The following RGS3 variants were observed in gnomAD, a reference collection of about 807,000 sequenced individuals.
RGS3 encodes regulator of G protein signaling 3.
In RGS3, 80 loss-of-function variants were observed where a neutral mutation model predicts 132.6. The ratio of observed to expected loss-of-function variants is 0.60; its 90% CI spans 0.50 to 0.73. The LOEUF is 0.73. RGS3 is among the 30% of genes least tolerant of loss of function. The pLI is 0.00. For synonymous variants in RGS3, 598 were observed against 620.6 expected, an observed-to-expected ratio of 0.96 and a Z score of 0.54; for missense variants, 1,382 against 1,530.8, an observed-to-expected ratio of 0.90 and a Z score of 1.62.
chr9:113,549,209 T>A (rs1034064011), intron 19 of RGS3, among the ~76,000 whole-genome samples: 1 of 152,296 alleles, frequency 6.6e-6, no homozygotes, highest in African/African-American at 2.4e-5. Flanking sequence ...TTCCTCTCAC[T>A]AGCCATGGGA....
At position 113,490,457 on chromosome 9, in the gene RGS3, A is replaced by G. The variant is rs558212722; in HGVS notation, c.689+4764A>G. 2.6e-4 allele frequency among the ~76,000 whole-genome samples: 40 copies of G among 152,008 alleles called. No individual in the cohort carries two copies. In the South Asian group the frequency reaches 5.0e-3, roughly 19 times the overall value. The stretch of plus-strand genomic sequence containing the variant: ...CTTAAAAATTAATAGTAATTCCTCA[A>G]TATGCCATTGAATATGGAACTCAGC... On this transcript the variant is annotated intron_variant, in intron 7 of 24. Coordinates refer to ENST00000350696, the Ensembl canonical transcript of RGS3.
At chr9:113,568,803 C>T (rs1290454763) in intron 19 of RGS3, among the ~76,000 whole-genome samples, 3 of 152,244 alleles carry the variant, frequency 2.0e-5, no homozygotes, top group African/African-American at 7.2e-5. Flanking sequence ...CACAGCAGAC[C>T]AGCCAGGCTC....
upstream of RGS3, among the ~76,000 whole-genome samples, chr9:113,457,509 C>T (rs368168287): frequency 5.9e-5 from 9 of 152,316 alleles, no homozygotes; most frequent in East Asian, 1.5e-3. Context: ...TCCATAGGTG[C>T]TTAGCAAACA....
At chr9:113,560,095 A>G (rs1163972094) in intron 19 of RGS3, among the ~76,000 whole-genome samples, 1 of 152,102 alleles carries the variant, frequency 6.6e-6, no homozygotes, top group African/African-American at 2.4e-5. Flanking sequence ...GATTTTTTAG[A>G]CTTCAAAGAC....
intron 19 of RGS3, among the ~76,000 whole-genome samples, chr9:113,559,596 G>A (rs1833709817): frequency 6.6e-6 from 1 of 152,218 alleles, no homozygotes; most frequent in African/African-American, 2.4e-5. Flanking sequence ...TGAGAAAGAG[G>A]CAGATAGCAA....
chr9:113,492,560 G>A (rs1170195260), intron 7 of RGS3, among the ~76,000 whole-genome samples: 1 of 152,190 alleles, frequency 6.6e-6, no homozygotes. Flanking sequence ...CATTTGTCAA[G>A]CCTTCACTAA....
At chr9:113,567,010 A>G (rs900044139) in intron 19 of RGS3, among the ~76,000 whole-genome samples, 6 of 152,250 alleles carry the variant, frequency 3.9e-5, no homozygotes. Flanking sequence ...AACAGGGCTC[A>G]CTGCAAGCCC....
In RGS3 at chr9:113,571,575, T is replaced by C. The variant is rs546456180; in HGVS notation, c.2038-11875T>C. ...CATTTTCCTATTGGATTTTTTTTTCTGATTAACTTGTAGGAGCTTAAACGA... is the reference window on the plus strand; with the variant it reads ...CATTTTCCTATTGGATTTTTTTTTCCGATTAACTTGTAGGAGCTTAAACGA... On this transcript the variant is annotated intron_variant, in intron 19 of 24. Transcript: ENST00000350696. Among the ~76,000 whole-genome samples, 4 of 152,292 alleles carry C rather than the reference T, an allele frequency of 2.6e-5. No individual in the cohort carries two copies. In the East Asian group the frequency reaches 7.7e-4, roughly 29 times the overall value.
chr9:113,489,856 G>A (rs752791559), intron 7 of RGS3, among the ~76,000 whole-genome samples: 1 of 152,154 alleles, frequency 6.6e-6, no homozygotes, highest in Non-Finnish European at 1.5e-5. Context: ...AAATTATTCA[G>A]CCAAATGTGT....
intron 19 of RGS3, among the ~76,000 whole-genome samples, chr9:113,550,790 C>T (rs1833309954): frequency 6.6e-6 from 1 of 152,100 alleles, no homozygotes; most frequent in Non-Finnish European, 1.5e-5. Context: ...ATAGCCTGTT[C>T]AAGTCTTTTG....
intron 6 of RGS3, among the ~76,000 whole-genome samples, chr9:113,484,810 TGTA>T (rs745675439): frequency 6.6e-5 from 10 of 152,222 alleles, no homozygotes; most frequent in Non-Finnish European, 1.2e-4. Flanking sequence ...ATGTACATTT[TGTA>T]TTTTCCTATT....
At chr9:113,576,124 C>T (rs969007792) in intron 19 of RGS3, among the ~76,000 whole-genome samples, 6 of 151,642 alleles carry the variant, frequency 4.0e-5, no homozygotes, top group African/African-American at 9.7e-5. Context: ...GGCGTGAACC[C>T]GGGAGGCGGA....
intron 14 of RGS3, among the ~76,000 whole-genome samples, chr9:113,510,547 G>T (rs1407778226): frequency 1.3e-5 from 2 of 152,232 alleles, no homozygotes; most frequent in African/African-American, 2.4e-5. Context: ...GGCTGGAGAA[G>T]TGTGCTGCCT....
chr9:113,594,992 C>T lies in RGS3; in HGVS notation c.3244+12C>T, dbSNP rs199852042. On this transcript the variant is annotated intron_variant, in intron 23 of 24. Transcript: ENST00000350696. ...GCTGGTTCACAAATGTAAGTTGGGCCTGCCTGCCCACTCCCTGTGCCCTCT... is the reference window on the plus strand; with the variant it reads ...GCTGGTTCACAAATGTAAGTTGGGCTTGCCTGCCCACTCCCTGTGCCCTCT... 6 of 1,613,390 alleles carry T rather than the reference C, an allele frequency of 3.7e-6. No individual in the cohort carries two copies. The highest frequency in any genetic ancestry group is 1.1e-5 in the South Asian group (1 of 91,068).
At chr9:113,584,574 A>G (rs1163757303) in intron 20 of RGS3, 147 bp downstream of exon 18, 25 of 889,694 alleles carry the variant, frequency 2.8e-5, no homozygotes, top group Non-Finnish European at 3.8e-5. Context: ...GACAGAAGAT[A>G]AAACTGAGGC....
chr9:113,475,885 T>C (rs1829977414), intron 3 of RGS3, among the ~76,000 whole-genome samples: 2 of 152,146 alleles, frequency 1.3e-5, no homozygotes, highest in Admixed American at 6.5e-5. Context: ...GGTTTCTTTC[T>C]CTAGATTGGA....
intron 19 of RGS3, among the ~76,000 whole-genome samples, chr9:113,573,574 A>C (rs867163768): frequency 1.3e-5 from 2 of 152,228 alleles, no homozygotes; most frequent in African/African-American, 4.8e-5. Flanking sequence ...CCCTGAGGTC[A>C]TCCTGGCATG....
At chr9:113,495,377 A>G (rs1830648274) in intron 7 of RGS3, among the ~76,000 whole-genome samples, 1 of 152,164 alleles carries the variant, frequency 6.6e-6, no homozygotes, top group Non-Finnish European at 1.5e-5. Context: ...CCTGAGATAG[A>G]ACTTCTTGAG....
chr9:113,571,129 C>T (rs9657658), intron 19 of RGS3, among the ~76,000 whole-genome samples: 18,016 of 151,988 alleles, frequency 0.12, 1,270 homozygotes, highest in African/African-American at 0.19. Flanking sequence ...ATGAATATAC[C>T]GCCACAGTTT....
Sources: gnomAD v4.1 joint callset for allele counts (sites outside exome capture counted in the v4.1 genomes callset) on GRCh38, gnomAD v4.1.1 for gene constraint, MANE v1.5 for transcripts, NCBI Gene and HGNC (gene_info 2026-07-23, HGNC 2026-07-21) for gene names.